Variants in CCDC14 observed in about 807,000 individuals in gnomAD.
CCDC14 encodes the protein coiled-coil domain-containing protein 14.
CCDC14 carries 71 observed loss-of-function variants against 81.4 expected under a neutral mutation model. The ratio of observed to expected loss-of-function variants is 0.87; its 90% CI spans 0.72 to 1.06. CCDC14 has a LOEUF of 1.06. CCDC14 is among the 50% of genes least tolerant of loss of function. The probability of loss-of-function intolerance (pLI) is 0.00; values close to 1 mark genes in which losing one functional copy is unlikely to be tolerated. For synonymous variants in CCDC14, 332 were observed against 364.8 expected (o/e 0.91, Z 1.03); for missense variants, 1,046 against 1,047.3 (o/e 1.00, Z 0.02).
At chr3:123,941,874 G>A (rs1996682) in intron 9 of CCDC14, among the ~76,000 whole-genome samples, 16,800 of 151,946 alleles carry the variant, frequency 0.11, 2,242 homozygotes, top group East Asian at 0.36. Context: ...CTAAGGAACC[G>A]AAATAAATAA....
At chr3:123,890,601 C>T in the CCDC14 span, among the ~76,000 whole-genome samples, 2 of 152,186 alleles carry the variant, frequency 1.3e-5, no homozygotes, top group East Asian at 1.9e-4. Context: ...CCTTTGACTC[C>T]ATGTCTCACA....
In CCDC14 at chr3:123,933,709, G is replaced by C; in HGVS notation, c.1390C>G (p.Gln464Glu). 2 of 1,575,274 alleles carry C rather than the reference G, an allele frequency of 1.3e-6. No individual in the cohort carries two copies. Among genetic ancestry groups the C allele is most frequent in the Non-Finnish European group, 1.7e-6 (2 of 1,157,862 alleles). ...CAATCCACAGCACCAGATGGTTTTT[G>C]AGTTTTCTGTTGTTCTCTGAGTTGC... The part of the protein sequence containing the change: ...NQQLREQQKT[Q>E]KPSGAVDCNL... The change falls in exon 10 of 13, where the codon CAA becomes GAA. Residue 464 changes from glutamine (Q) to glutamate (E), a missense_variant. Transcript: ENST00000409697.
chr3:123,898,341 G>A (rs2034111959), intron 5 of CCDC14, among the ~76,000 whole-genome samples: 1 of 152,240 alleles, frequency 6.6e-6, no homozygotes, highest in Non-Finnish European at 1.5e-5. Flanking sequence ...CAAATGGTGA[G>A]TACTTTTCTG....
chr3:123,916,200 T>C (rs1192522738), intron 12 of CCDC14, among the ~76,000 whole-genome samples: 2 of 151,962 alleles, frequency 1.3e-5, no homozygotes, highest in African/African-American at 4.8e-5. Context: ...GGTTTCACCA[T>C]GTTGGCCAGG....
At position 123,925,699 on chromosome 3, in the gene CCDC14, G is replaced by A. The variant is rs540474457; in HGVS notation, c.1778+5403C>T. ...GATCTGCCCACCTTGGCCTCCCAAAGTGTTAGGATTGCAGGCGGAAGCCAC... is the reference window on the plus strand; with the variant it reads ...GATCTGCCCACCTTGGCCTCCCAAAATGTTAGGATTGCAGGCGGAAGCCAC... On this transcript the variant is annotated intron_variant, in intron 12 of 12. Transcript: ENST00000409697. Among the ~76,000 whole-genome samples the A allele has an allele frequency of 3.9e-5, 6 of 152,272 alleles. No individual in the cohort carries two copies. The South Asian group carries it at 1.2e-3, about 32-fold the overall frequency.
At position 123,948,783 on chromosome 3, in the gene CCDC14, A is replaced by T. The variant is rs779684175; in HGVS notation, c.592T>A (p.Ser198Thr). The T allele has an allele frequency of 4.4e-6, 7 of 1,594,926 alleles. No individual in the cohort carries two copies. The East Asian group carries it at 1.3e-4, about 31-fold the overall frequency. ...VPCHAPSHSE[S>T]QATPHSSYGL... ...TAACTAGAATGAGGAGTTGCCTGAG[A>T]TTCTGTAAGTAAGAGGGAGAAAAAA... Residue 198 changes from serine to threonine, a missense_variant and splice_region_variant, in exon 7 of 13, where the codon TCT (serine) becomes ACT (threonine). Transcript: ENST00000409697.
At chr3:123,897,700 A>C in intron 5 of CCDC14, 1 of 609,998 alleles carries the variant, frequency 1.6e-6, no homozygotes, top group Non-Finnish European at 2.2e-6. Context: ...TCCTTCCTTC[A>C]TATTCTACTT....
intron 5 of CCDC14, among the ~76,000 whole-genome samples, chr3:123,950,843 T>C (rs536983947): frequency 4.6e-5 from 7 of 152,074 alleles, no homozygotes; most frequent in Admixed American, 2.0e-4. Context: ...CCCTCAAATA[T>C]AGTTTATTGA....
chr3:123,898,945 C>T (rs1249177887), intron 5 of CCDC14, among the ~76,000 whole-genome samples: 1 of 147,742 alleles, frequency 6.8e-6, no homozygotes, highest in African/African-American at 2.5e-5. Context: ...GTCTCAAACT[C>T]GTGACCTCAA....
intron 7 of CCDC14, among the ~76,000 whole-genome samples, chr3:123,948,448 G>A (rs1161177749): frequency 6.6e-6 from 1 of 151,948 alleles, no homozygotes; most frequent in Admixed American, 6.6e-5. Flanking sequence ...CACCATGTTG[G>A]CCAGGCTGGT....
chr3:123,910,614 C>T (rs1425059723), downstream of CCDC14, among the ~76,000 whole-genome samples: 2 of 151,834 alleles, frequency 1.3e-5, no homozygotes, highest in Non-Finnish European at 2.9e-5. Flanking sequence ...GAATCTGTGG[C>T]TTCTCCACAG....
intron 5 of CCDC14, among the ~76,000 whole-genome samples, chr3:123,900,972 G>A (rs1482397854): frequency 6.6e-5 from 10 of 152,154 alleles, no homozygotes; most frequent in South Asian, 4.2e-4. Flanking sequence ...AGTGGCTCAC[G>A]CCTGTAATTC....
At chr3:123,953,977 C>T (rs924454033) in intron 5 of CCDC14, 2 of 152,106 alleles carry the variant, frequency 1.3e-5, no homozygotes, top group Non-Finnish European at 1.5e-5. Context: ...CTAAAATTAC[C>T]TCAATTTGAG....
intron 5 of CCDC14, among the ~76,000 whole-genome samples, chr3:123,899,495 C>T (rs1415373105): frequency 6.6e-6 from 1 of 152,198 alleles, no homozygotes; most frequent in Non-Finnish European, 1.5e-5. Context: ...CCTCCTGGCT[C>T]CCAGGTTAAT....
intron 12 of CCDC14, chr3:123,930,813 T>C: frequency 3.8e-6 from 1 of 265,256 alleles, no homozygotes; most frequent in Non-Finnish European, 7.0e-6. Flanking sequence ...GTCAGATCTC[T>C]CTAGCTTCAG....
In CCDC14 at chr3:123,914,906, C is replaced by T; in HGVS notation, c.2591G>A (p.Trp864Ter). The T allele has an allele frequency of 6.2e-7, 1 of 1,613,982 alleles. No individual in the cohort carries two copies. Among genetic ancestry groups the T allele is most frequent in the Non-Finnish European group, 8.5e-7 (1 of 1,179,874 alleles). The change falls in exon 13 of 13, where the codon TGG (tryptophan) becomes TAG (stop). Residue 864 changes from tryptophan to a stop codon, truncating the protein, a stop_gained. Transcript: ENST00000409697. LOFTEE classifies it high-confidence loss of function. Reference protein sequence around the residue: ...SVFTSDLMSDWSISSFSTFTS... With the variant: ...SVFTSDLMSD ...GAACGTTGAAAACGAAGAGATGCTC[C>T]AGTCAGACATCAAGTCAGAAGTGAA...
chr3:123,893,643 C>T (rs867485885), downstream of CCDC14, among the ~76,000 whole-genome samples: 1 of 151,958 alleles, frequency 6.6e-6, no homozygotes, highest in Non-Finnish European at 1.5e-5. Flanking sequence ...TTTTGAGAAA[C>T]CACCGAACTG....
At chr3:123,957,844 C>A (rs922666601) in intron 1 of CCDC14, 2 of 151,844 alleles carry the variant, frequency 1.3e-5, no homozygotes, top group East Asian at 3.9e-4. Flanking sequence ...GTCCCTGATT[C>A]CCCCCCTAGT....
At chr3:123,909,315 T>G (rs1165904305), downstream of CCDC14, among the ~76,000 whole-genome samples, 2 of 152,200 alleles carry the variant, frequency 1.3e-5, no homozygotes, top group Non-Finnish European at 2.9e-5. Context: ...TCTTGGATAG[T>G]TGGTGTTCTT....
Sources: gnomAD v4.1 joint callset for allele counts (sites outside exome capture counted in the v4.1 genomes callset) on GRCh38, gnomAD v4.1.1 for gene constraint, MANE v1.5 for transcripts, NCBI Gene and HGNC (gene_info 2026-07-23, HGNC 2026-07-21) for gene names.